TMEM181: variants seen among roughly 807,000 people sequenced by gnomAD.
TMEM181 encodes transmembrane protein 181.
A neutral mutation model predicts 71.9 loss-of-function variants in TMEM181; 39 were observed. The observed-to-expected ratio is 0.54, with a 90% CI of 0.42 to 0.71. The LOEUF is 0.71. Among genes scored for constraint, TMEM181 ranks in the 30% least tolerant of loss-of-function variants. TMEM181 has a pLI of 0.00. For missense variants in TMEM181, 595 were observed against 583.0 expected (o/e 1.02, Z -0.21); for synonymous variants, 245 against 228.8 (o/e 1.07, Z -0.64).
At chr6:158,582,741 T>C (rs1783549042) in intron 3 of TMEM181, among the ~76,000 whole-genome samples, 1 of 152,108 alleles carries the variant, frequency 6.6e-6, no homozygotes, top group South Asian at 2.1e-4. Flanking sequence ...TTTGGAACCA[T>C]GGGTGGGCTG....
At chr6:158,606,923 C>G (rs1784989415) in intron 7 of TMEM181, among the ~76,000 whole-genome samples, 1 of 152,230 alleles carries the variant, frequency 6.6e-6, no homozygotes, top group African/African-American at 2.4e-5. Context: ...GCCTTGTTTT[C>G]CTCGCCGTGG....
At chr6:158,585,474 G>A (rs1226009596) in intron 5 of TMEM181, 49 bp downstream of exon 5, 9 of 1,420,438 alleles carry the variant, frequency 6.3e-6, no homozygotes, top group African/African-American at 4.4e-5. Context: ...CTGTGTACAC[G>A]TTTAATTACA....
chr6:158,605,127 AAAAAGTGTGTGT>A (rs1784872030), intron 6 of TMEM181, 128 bp from the exon 7 acceptor site: 220 of 446,142 alleles, frequency 4.9e-4, no homozygotes, highest in Middle Eastern at 1.2e-3. Flanking sequence ...AAAAAAAAAA[AAAAAGTGTGTGT>A]GTGTGTGTGT....
chr6:158,632,531 TGAGGAGGG>T lies in TMEM181; in HGVS notation c.*644_*651del, dbSNP rs1786720789. On this transcript the variant is annotated 3_prime_UTR_variant, in exon 17 of 17. Transcript: ENST00000684151. The stretch of plus-strand genomic sequence containing the variant: ...AAGGGGAAGTAATAGTGTGGAGTTC[TGAGGAGGG>T]TTTGATAAGTTGAATAAGGAAAGGC... 2 of 152,732 alleles carry T rather than the reference TGAGGAGGG, an allele frequency of 1.3e-5. No homozygotes were observed. Among genetic ancestry groups the T allele is most frequent in the East Asian group, 3.9e-4 (2 of 5,192 alleles). The allele number at this position is 152,732 out of a possible 1,614,324, so 9.5% of individuals were successfully genotyped here. A position where few individuals can be genotyped will look rare whatever the true frequency, so the allele number is the denominator to read the frequency against.
chr6:158,624,216 G>T (rs1020921035), intron 11 of TMEM181, among the ~76,000 whole-genome samples: 19 of 152,196 alleles, frequency 1.2e-4, no homozygotes, highest in African/African-American at 4.6e-4. Flanking sequence ...AGACCCCAGG[G>T]CCCACGTCTG....
At chr6:158,550,919 A>G (rs917589445) in intron 1 of TMEM181, among the ~76,000 whole-genome samples, 16 of 149,320 alleles carry the variant, frequency 1.1e-4, no homozygotes, top group Admixed American at 9.3e-4. Flanking sequence ...AAAAAGAACC[A>G]ATAATGTTTT....
chr6:158,570,227 C>T (rs991518307), intron 1 of TMEM181, among the ~76,000 whole-genome samples: 15 of 150,432 alleles, frequency 1.0e-4, no homozygotes, highest in Non-Finnish European at 1.3e-4. Context: ...AGAGTGTTTC[C>T]GTACACTTTT....
At chr6:158,545,370 C>T (rs1391582637) in intron 1 of TMEM181, among the ~76,000 whole-genome samples, 1 of 152,264 alleles carries the variant, frequency 6.6e-6, no homozygotes, top group African/African-American at 2.4e-5. Flanking sequence ...CTTGTCCTGA[C>T]TTGGAAAGTC....
At chr6:158,627,100 T>C in intron 13 of TMEM181, among the ~76,000 whole-genome samples, 1 of 69,354 alleles carries the variant, frequency 1.4e-5, no homozygotes, top group African/African-American at 8.3e-5. Context: ...CACCCTCGTT[T>C]TCACCCTCTC....
intron 1 of TMEM181, among the ~76,000 whole-genome samples, chr6:158,572,249 G>A (rs1169022742): frequency 6.6e-6 from 1 of 152,206 alleles, no homozygotes; most frequent in East Asian, 1.9e-4. Context: ...ATGTGGGCAC[G>A]CAGGCCCGTG....
chr6:158,541,433 AAAAAAC>A (rs1781340178), intron 1 of TMEM181, among the ~76,000 whole-genome samples: 1 of 49,406 alleles, frequency 2.0e-5, no homozygotes. Flanking sequence ...ACAAAAAAAC[AAAAAAC>A]AAAAAACAAA....
At chr6:158,628,570 T>G in intron 14 of TMEM181, 80 bp downstream of exon 14, 1 of 1,307,808 alleles carries the variant, frequency 7.6e-7, no homozygotes, top group Non-Finnish European at 1.1e-6. Flanking sequence ...TTTGCCCCTC[T>G]CAAGAGGAGA....
chr6:158,546,565 A>T (rs1781532099), intron 1 of TMEM181, among the ~76,000 whole-genome samples: 1 of 152,226 alleles, frequency 6.6e-6, no homozygotes, highest in South Asian at 2.1e-4. Context: ...CTGATGTGGC[A>T]TGGATTCCAT....
At chr6:158,560,331 G>A (rs1043434876) in intron 1 of TMEM181, 99 bp downstream of exon 1, 7 of 984,788 alleles carry the variant, frequency 7.1e-6, no homozygotes, top group Non-Finnish European at 7.2e-6. Context: ...CAGGGTCCCT[G>A]GCGCCCACGT....
intron 10 of TMEM181, chr6:158,610,436 G>A: frequency 3.5e-6 from 1 of 285,534 alleles, no homozygotes; most frequent in East Asian, 6.7e-5. Flanking sequence ...TCTGAACTTA[G>A]TCAAGGTCCC....
At chr6:158,538,158 A>G (rs1451796392) in intron 1 of TMEM181, among the ~76,000 whole-genome samples, 9 of 69,148 alleles carry the variant, frequency 1.3e-4, no homozygotes, top group African/African-American at 4.8e-4. Context: ...TTTTTTTCCT[A>G]TTTATTTATT....
intron 10 of TMEM181, among the ~76,000 whole-genome samples, chr6:158,612,685 C>G (rs1785401458): frequency 6.6e-6 from 1 of 152,188 alleles, no homozygotes; most frequent in South Asian, 2.1e-4. Context: ...GAGATAGAAG[C>G]AACATTTCTT....
At position 158,583,938 on chromosome 6, in the gene TMEM181, GTT is replaced by G; in HGVS notation, c.169-8_169-7del. ...ATGAAAAGGTCACATGGATTACTTT[GTT>G]TTTTTTTCTTCAGCTAAAGCCAATT... On this transcript the variant is annotated splice_polypyrimidine_tract_variant and intron_variant, in intron 3 of 16. Transcript: ENST00000684151. 1 of 1,509,510 alleles carries G rather than the reference GTT, an allele frequency of 6.6e-7. No homozygotes were observed. Among genetic ancestry groups the G allele is most frequent in the South Asian group, 1.2e-5 (1 of 81,156 alleles). 93.5% of individuals were successfully genotyped at this position (1,509,510 alleles called of 1,614,324 possible).
intron 10 of TMEM181, among the ~76,000 whole-genome samples, chr6:158,619,210 C>T (rs1408208105): frequency 6.6e-6 from 1 of 152,174 alleles, no homozygotes; most frequent in South Asian, 2.1e-4. Context: ...TCTTTTTTCT[C>T]TGAACTTCTC....
Sources: gnomAD v4.1 joint callset for allele counts (sites outside exome capture counted in the v4.1 genomes callset) on GRCh38, gnomAD v4.1.1 for gene constraint, MANE v1.5 for transcripts, NCBI Gene and HGNC (gene_info 2026-07-23, HGNC 2026-07-21) for gene names.